ADGRF3: variants seen among roughly 807,000 people sequenced by gnomAD.
ADGRF3 encodes the protein adhesion G protein-coupled receptor F3.
ADGRF3 carries 85 observed loss-of-function variants against 93.2 expected under a neutral mutation model. The observed-to-expected ratio is 0.91, with a 90% CI of 0.77 to 1.09. The LOEUF is 1.09. ADGRF3 is among the 50% of genes least tolerant of loss of function. The pLI is 0.00. For synonymous variants in ADGRF3, 534 were observed against 532.5 expected (o/e 1.00, Z -0.04); for missense variants, 1,125 against 1,246.2 (o/e 0.90, Z 1.46).
intron 1 of ADGRF3, among the ~76,000 whole-genome samples, chr2:26,330,092 G>C (rs961397660): frequency 6.6e-6 from 1 of 152,192 alleles, no homozygotes; most frequent in South Asian, 2.1e-4. Flanking sequence ...ACCTGGCTTG[G>C]TTCAATCACA....
intron 1 of ADGRF3, chr2:26,318,770 C>T (rs1674921796): frequency 2.3e-6 from 2 of 852,076 alleles, no homozygotes; most frequent in Admixed American, 2.5e-5. Context: ...AGAGCTATCC[C>T]CCACACCCAG....
At chr2:26,309,928 CAA>C in intron 12 of ADGRF3, 113 bp downstream of exon 12, 1 of 1,606,572 alleles carries the variant, frequency 6.2e-7, no homozygotes, top group Non-Finnish European at 8.5e-7. Context: ...TTCTAAAAAA[CAA>C]CCCCAATCTT....
In ADGRF3 at chr2:26,311,243, C is replaced by A. The variant is rs148498081; in HGVS notation, c.2281G>T (p.Ala761Ser). 1 of 1,609,364 alleles carries A rather than the reference C, an allele frequency of 6.2e-7. No individual in the cohort carries two copies. Among genetic ancestry groups the A allele is most frequent in the Non-Finnish European group, 8.5e-7 (1 of 1,177,968 alleles). Residue 761 changes from alanine to serine, a missense_variant, in exon 10 of 14, where the codon GCC becomes TCC. Ala to Ser is a moderately conservative substitution (Grantham distance 99, BLOSUM62 1). Coordinates refer to ENST00000651242, the MANE Select transcript of ADGRF3 (RefSeq NM_001321971.2). ...LLAADTCFLG[A>S]PFLSPGPRSP... ...CGGGGCCCTGGAGAGAGGAATGGGG[C>A]GCCCAGGAAGCAAGTGTCTGCGGCC...
Position 26,310,673 on chromosome 2 carries a change from C to T in ADGRF3, c.2832+19G>A, listed in dbSNP as rs1202580908. ...CCATCTAAAAAAGCAAAAAACACAGCCACCCCCCTATCACCTACCTGGAGG... is the reference window on the plus strand; with the variant it reads ...CCATCTAAAAAAGCAAAAAACACAGTCACCCCCCTATCACCTACCTGGAGG... On this transcript the variant is annotated intron_variant, in intron 10 of 13. Transcript: ENST00000651242. 1 of 1,598,844 alleles carries T rather than the reference C, an allele frequency of 6.3e-7. No homozygotes were observed. Among genetic ancestry groups the T allele is most frequent in the Non-Finnish European group, 8.5e-7 (1 of 1,172,740 alleles).
intron 1 of ADGRF3, chr2:26,340,523 T>C (rs1011585112): frequency 1.3e-5 from 2 of 152,144 alleles, no homozygotes; most frequent in Non-Finnish European, 2.9e-5. Flanking sequence ...CAAACTGAAA[T>C]TAAAAAAGAA....
Position 26,311,790 on chromosome 2 carries a change from G to T in ADGRF3, c.1734C>A (p.Val578=). ...TAATACTTATTTCAGTTCCATTACG[G>T]ACCAATGGGGCCAGTGAGTGCCTGG... The part of the protein sequence containing the change: ...QIPRHSLAPL[V]RNGTEISITS... The change falls in exon 10 of 14, where the codon GTC becomes GTA. Residue 578 remains valine (V), a synonymous_variant. Coordinates refer to ENST00000651242, the MANE Select transcript of ADGRF3 (RefSeq NM_001321971.2). 5.6e-6 allele frequency: 9 copies of T among 1,613,842 alleles called. No individual in the cohort carries two copies. Among genetic ancestry groups the T allele is most frequent in the Non-Finnish European group, 7.6e-6 (9 of 1,179,840 alleles).
At chr2:26,312,169 C>T in intron 9 of ADGRF3, 95 bp from the exon 10 acceptor site, 2 of 1,253,560 alleles carry the variant, frequency 1.6e-6, no homozygotes, top group African/African-American at 1.5e-5. Flanking sequence ...CCTTCCCTTC[C>T]CAGTCCAGTG....
At position 26,311,121 on chromosome 2, in the gene ADGRF3, C is replaced by T; in HGVS notation, c.2403G>A (p.Gln801=). Residue 801 remains glutamine, a synonymous_variant, in exon 10 of 14, where the codon CAG becomes CAA. Coordinates refer to ENST00000651242, the MANE Select transcript of ADGRF3 (RefSeq NM_001321971.2). ...CCAGCTGGTGAAAGACAAAGAGCAG[C>T]TGGTGGGCCAACACCAGGGCCTGCG... The part of the protein sequence containing the change: ...MLAQALVLAH[Q]LLFVFHQLAK... 6.3e-7 allele frequency: 1 copy of T among 1,596,744 alleles called. No homozygotes were observed. The highest frequency in any genetic ancestry group is 8.5e-7 in the Non-Finnish European group (1 of 1,171,970).
intron 1 of ADGRF3, chr2:26,319,196 G>A: frequency 1.3e-6 from 1 of 790,086 alleles, no homozygotes; most frequent in Non-Finnish European, 1.9e-6. Context: ...GTGACTCTGA[G>A]TGAAATGGGA....
In ADGRF3 at chr2:26,308,864, G is replaced by A. The variant is rs540861960; in HGVS notation, c.*222C>T. 1 of 535,130 alleles carries A rather than the reference G, an allele frequency of 1.9e-6. No individual in the cohort carries two copies. Among genetic ancestry groups the A allele is most frequent in the East Asian group, 3.0e-5 (1 of 33,732 alleles). 33.1% of individuals were successfully genotyped at this position (535,130 alleles called of 1,614,324 possible). A position where few individuals can be genotyped will look rare whatever the true frequency, so the allele number is the denominator to read the frequency against. ...GCAAAGGCAGGCTTATTCATTAGGT[G>A]CCTTTAGCTAATTTTTCCTGCTATT... On this transcript the variant is annotated 3_prime_UTR_variant, in exon 14 of 14. Transcript: ENST00000651242.
At chr2:26,319,524 C>T (rs1384705264) in intron 1 of ADGRF3, among the ~76,000 whole-genome samples, 1 of 134,046 alleles carries the variant, frequency 7.5e-6, no homozygotes, top group Non-Finnish European at 1.7e-5. Flanking sequence ...ATCCTCCCTC[C>T]CTCCCTTCCT....
intron 1 of ADGRF3, among the ~76,000 whole-genome samples, chr2:26,320,477 C>T (rs1464201800): frequency 6.6e-6 from 1 of 152,094 alleles, no homozygotes; most frequent in Non-Finnish European, 1.5e-5. Context: ...GCCTGGGCAA[C>T]AAGAGTGAAA....
chr2:26,313,681 G>C, intron 7 of ADGRF3, 79 bp downstream of exon 7: 1 of 1,586,366 alleles, frequency 6.3e-7, no homozygotes, highest in Non-Finnish European at 8.6e-7. Flanking sequence ...GCCCAGGGCA[G>C]AGACGTGCCA....
At position 26,315,736 on chromosome 2, in the gene ADGRF3, G is replaced by T; in HGVS notation, c.504C>A (p.Pro168=). 1.3e-6 allele frequency: 2 copies of T among 1,551,114 alleles called. No homozygotes were observed. The highest frequency in any genetic ancestry group is 1.7e-6 in the Non-Finnish European group (2 of 1,146,874). The part of the protein sequence containing the change: ...PGYCQLLPPV[P]GILNLNSQLQ... ...GCTGGGAGTTCAGGTTGAGGATCCC[G>T]GGGACTGCAGGGAGGCAGGTGACAG... The change falls in exon 5 of 14, where the codon CCC becomes CCA. Residue 168 remains proline, a synonymous_variant. Coordinates refer to ENST00000651242, the MANE Select transcript of ADGRF3 (RefSeq NM_001321971.2).
chr2:26,340,495 C>G (rs1031878735), intron 1 of ADGRF3: 1 of 152,138 alleles, frequency 6.6e-6, no homozygotes, highest in South Asian at 2.1e-4. Flanking sequence ...AATGAAGGCC[C>G]TTGCACAGCT....
chr2:26,319,111 G>A (rs1674952305), intron 1 of ADGRF3: 2 of 1,511,316 alleles, frequency 1.3e-6, no homozygotes, highest in East Asian at 2.5e-5. Context: ...GAGCTGGCAG[G>A]GCAGTGTGCA....
Position 26,311,054 on chromosome 2 carries a change from G to A in ADGRF3, c.2470C>T (p.Leu824=). ...ACACCTGCCAACCCCAGTGGGCACA[G>A]GTAGCCCAGGAGCACCATGAGGGGG... ...VLPLMVLLGY[L]CPLGLAGVTL... is the part of the protein sequence containing the mutation. Residue 824 remains leucine, a synonymous_variant, in exon 10 of 14, where the codon CTG becomes TTG. Transcript: ENST00000651242. 6.2e-7 allele frequency: 1 copy of A among 1,609,418 alleles called. No homozygotes were observed. The highest frequency in any genetic ancestry group is 2.2e-5 in the East Asian group (1 of 44,664).
intron 3 of ADGRF3, 73 bp downstream of exon 3, chr2:26,316,839 A>G: frequency 6.8e-7 from 1 of 1,460,812 alleles, no homozygotes; most frequent in Non-Finnish European, 9.2e-7. Context: ...ACAGAGTCTC[A>G]GGCAAGCTGG....
At position 26,346,226 on chromosome 2, in the gene ADGRF3, G is replaced by T. The variant is rs776317511; in HGVS notation, c.9C>A (p.Thr3=). The change falls in exon 1 of 14, where the codon ACC becomes ACA. Residue 3 remains threonine (T), a synonymous_variant. Coordinates refer to ENST00000651242, the MANE Select transcript of ADGRF3 (RefSeq NM_001321971.2). ...CTGCCGAGTGGGCGCTCAGTTTTCG[G>T]GTCGTCATGGCTGGCTACGAATACG... MT[T]RKLSAHSAAT... 6.2e-7 allele frequency: 1 copy of T among 1,613,686 alleles called. No individual in the cohort carries two copies. Among genetic ancestry groups the T allele is most frequent in the Admixed American group, 1.7e-5 (1 of 60,014 alleles).
Sources: gnomAD v4.1 joint callset for allele counts (sites outside exome capture counted in the v4.1 genomes callset) on GRCh38, gnomAD v4.1.1 for gene constraint, MANE v1.5 for transcripts, NCBI Gene and HGNC (gene_info 2026-07-23, HGNC 2026-07-21) for gene names.